KCNMA1: variants seen among roughly 807,000 people sequenced by gnomAD.
KCNMA1 encodes potassium calcium-activated channel subfamily M alpha 1.
Under a neutral mutation model 140.0 loss-of-function variants are expected in KCNMA1, and 29 were observed. That is an observed-to-expected ratio of 0.21 (90% confidence interval 0.15 to 0.28). The LOEUF (loss-of-function observed/expected upper bound fraction) is 0.28. Among genes scored for constraint, KCNMA1 ranks in the 10% least tolerant of loss-of-function variants. The pLI is 1.00. For synonymous variants in KCNMA1, 612 were observed against 611.9 expected (o/e 1.00, Z 0.00); for missense variants, 880 against 1,602.2 (o/e 0.55, Z 7.70).
chr10:77,012,357 G>A, intron 17 of KCNMA1: 1 of 1,485,430 alleles, frequency 6.7e-7, no homozygotes, highest in Non-Finnish European at 8.9e-7. Context: ...AGCCTTTGAT[G>A]CTACTCGTGG....
At chr10:76,994,557 A>AC (rs1289950949) in intron 19 of KCNMA1, among the ~76,000 whole-genome samples, 1 of 152,186 alleles carries the variant, frequency 6.6e-6, no homozygotes, top group Non-Finnish European at 1.5e-5. Context: ...TTGGGGAGTG[A>AC]CCCCATGCTC....
chr10:77,098,820 A>G (rs560517655), intron 9 of KCNMA1, among the ~76,000 whole-genome samples: 23 of 152,086 alleles, frequency 1.5e-4, no homozygotes, highest in African/African-American at 4.8e-4. Context: ...GCAATTCCAC[A>G]GTTGCTGAAC....
chr10:77,008,124 C>T (rs2089650272), intron 18 of KCNMA1: 28 of 1,466,510 alleles, frequency 1.9e-5, no homozygotes, highest in Non-Finnish European at 2.6e-5. Flanking sequence ...AAAAGAGTAT[C>T]TCTTCTAGAG....
chr10:77,547,587 G>A (rs2061736021), intron 1 of KCNMA1, among the ~76,000 whole-genome samples: 1 of 152,190 alleles, frequency 6.6e-6, no homozygotes, highest in Non-Finnish European at 1.5e-5. Context: ...GTGAAAGCCT[G>A]CTTTTCTCCA....
At chr10:77,611,933 G>A (rs2087069904) in intron 1 of KCNMA1, among the ~76,000 whole-genome samples, 2 of 152,124 alleles carry the variant, frequency 1.3e-5, no homozygotes, top group African/African-American at 4.8e-5. Context: ...AATCAGCAAG[G>A]CAAGATCAAG....
chr10:77,558,967 T>C (rs2065437068), intron 1 of KCNMA1, among the ~76,000 whole-genome samples: 2 of 150,624 alleles, frequency 1.3e-5, no homozygotes, highest in Admixed American at 6.6e-5. Flanking sequence ...TACAACTTCC[T>C]GTAACATAGC....
At chr10:77,233,320 C>G (rs1328117970) in intron 3 of KCNMA1, among the ~76,000 whole-genome samples, 1 of 152,156 alleles carries the variant, frequency 6.6e-6, no homozygotes, top group Non-Finnish European at 1.5e-5. Context: ...CATTCTCTAT[C>G]CCAAGGATTC....
At chr10:77,303,701 C>A (rs1324626353) in intron 2 of KCNMA1, among the ~76,000 whole-genome samples, 1 of 152,118 alleles carries the variant, frequency 6.6e-6, no homozygotes, top group Non-Finnish European at 1.5e-5. Context: ...GACCTGCAGA[C>A]CAGCAGCATC....
At chr10:77,472,570 T>G (rs943498771) in intron 1 of KCNMA1, among the ~76,000 whole-genome samples, 3 of 152,180 alleles carry the variant, frequency 2.0e-5, no homozygotes, top group African/African-American at 7.2e-5. Context: ...GAGAGAACTT[T>G]AAAAGGAAGC....
At chr10:77,410,186 T>C (rs949371094) in intron 1 of KCNMA1, among the ~76,000 whole-genome samples, 16 of 152,152 alleles carry the variant, frequency 1.1e-4, no homozygotes, top group African/African-American at 3.1e-4. Context: ...CCTAACAGGA[T>C]GTCAAATTGC....
intron 1 of KCNMA1, among the ~76,000 whole-genome samples, chr10:77,575,326 C>T (rs759860398): frequency 1.3e-5 from 2 of 152,168 alleles, no homozygotes; most frequent in Non-Finnish European, 2.9e-5. Flanking sequence ...AATGCATGAA[C>T]TGTTCTCTCA....
Position 76,887,284 on chromosome 10 carries a change from C to T in KCNMA1, c.3693G>A (p.Val1231=). 6.2e-7 allele frequency: 1 copy of T among 1,614,142 alleles called. No individual in the cohort carries two copies. The highest frequency in any genetic ancestry group is 2.2e-5 in the East Asian group (1 of 44,862). Residue 1231 remains valine (V), a synonymous_variant, in exon 28 of 28, where the codon GTG becomes GTA. Transcript: ENST00000286628. The part of the protein sequence containing the change: ...SRESRDKQKY[V]QEERL ...ACACATATCAAAGCCGCTCTTCCTG[C>T]ACGTACTTCTGTTTGTCCCGGGACT... is the stretch of plus-strand genomic sequence containing the variant.
chr10:76,887,609 G>T, intron 27 of KCNMA1, 94 bp from the exon 28 acceptor site: 1 of 1,422,150 alleles, frequency 7.0e-7, no homozygotes, highest in East Asian at 2.3e-5. Flanking sequence ...GGTTACTCAG[G>T]ACTTTCAGAG....
intron 24 of KCNMA1, chr10:76,912,682 G>A (rs943478339): frequency 4.6e-5 from 7 of 152,198 alleles, no homozygotes; most frequent in Admixed American, 2.0e-4. Context: ...TCCTTTTCTC[G>A]TCTACTAATG....
At chr10:77,038,830 C>T (rs1034057804) in intron 15 of KCNMA1, among the ~76,000 whole-genome samples, 13 of 152,174 alleles carry the variant, frequency 8.5e-5, no homozygotes, top group Admixed American at 7.9e-4. Flanking sequence ...CATGAGGATT[C>T]TAAGTGAGGA....
chr10:76,907,217 C>T (rs1474552410), intron 25 of KCNMA1, among the ~76,000 whole-genome samples: 3 of 152,210 alleles, frequency 2.0e-5, no homozygotes, highest in Admixed American at 2.0e-4. Flanking sequence ...GCCTTAGTCA[C>T]ACTATCCCAA....
At chr10:77,223,299 T>G (rs2050274077) in intron 3 of KCNMA1, among the ~76,000 whole-genome samples, 1 of 152,116 alleles carries the variant, frequency 6.6e-6, no homozygotes, top group African/African-American at 2.4e-5. Flanking sequence ...CAGACCATGT[T>G]GTGACACACA....
chr10:77,604,429 G>A (rs1241423430), intron 1 of KCNMA1, among the ~76,000 whole-genome samples: 1 of 152,200 alleles, frequency 6.6e-6, no homozygotes, highest in Non-Finnish European at 1.5e-5. Flanking sequence ...TGTTGGCCAG[G>A]CACAGTGGCT....
rs565143577 is a variant in KCNMA1 at position 76,965,929 on chromosome 10, A to C, written c.2360+4045T>G. 2.0e-4 allele frequency among the ~76,000 whole-genome samples: 31 copies of C among 152,328 alleles called. 1 individual carries two copies. The highest frequency in any genetic ancestry group is 8.3e-4 in the South Asian group (4 of 4,820). ...GGCTCAGCCTCCCAAACCAGAGGTA[A>C]TGACAGCTCTTTCTATTCTCACAGC... On this transcript the variant is annotated intron_variant, in intron 20 of 27. Coordinates refer to ENST00000286628, the MANE Select transcript of KCNMA1 (RefSeq NM_001161352.2).
Sources: allele counts gnomAD v4.1 joint callset (sites outside exome capture counted in the v4.1 genomes callset), GRCh38; gene constraint gnomAD v4.1.1; transcripts MANE v1.5; gene names NCBI Gene and HGNC (gene_info 2026-07-23, HGNC 2026-07-21).